Variants in ANK3 observed in about 807,000 individuals in gnomAD.
ANK3 encodes the protein ankyrin 3.
Under a neutral mutation model 370.9 loss-of-function variants are expected in ANK3, and 57 were observed. The observed-to-expected ratio is 0.15, with a 90% CI of 0.12 to 0.19. ANK3 has a LOEUF of 0.19. Ranked by LOEUF, ANK3 falls within the 10% of genes least tolerant of loss-of-function variation. The pLI is 1.00. For missense variants in ANK3, 4,439 were observed against 5,302.1 expected, an observed-to-expected ratio of 0.84 and a Z score of 5.06; for synonymous variants, 1,929 against 1,946.3, an observed-to-expected ratio of 0.99 and a Z score of 0.23.
intron 43 of ANK3, among the ~76,000 whole-genome samples, chr10:60,032,545 T>C (rs1383567101): frequency 6.6e-6 from 1 of 152,106 alleles, no homozygotes; most frequent in Non-Finnish European, 1.5e-5. Context: ...AGATGTGTGA[T>C]CATCACTACT....
Position 60,030,993 on chromosome 10 carries a change from A to C in ANK3, c.*20-1167T>G, listed in dbSNP as rs540428069. ...AGGTGGCTGAGAGAGGTAATCTCTG[A>C]GACTTCCCTAAATATCAAAATGTAA... On this transcript the variant is annotated intron_variant, in intron 43 of 43. Coordinates refer to ENST00000280772, the MANE Select transcript of ANK3 (RefSeq NM_020987.5). 2.5e-4 allele frequency among the ~76,000 whole-genome samples: 38 copies of C among 152,262 alleles called. No homozygotes were observed. The South Asian group carries it at 6.2e-3, about 25-fold the overall frequency.
At chr10:60,059,695 C>T in intron 40 of ANK3, 1 of 1,607,780 alleles carries the variant, frequency 6.2e-7, no homozygotes, top group Non-Finnish European at 8.5e-7. Flanking sequence ...TGAGGATACT[C>T]ACTCAGACAT....
intron 5 of ANK3, among the ~76,000 whole-genome samples, chr10:60,269,472 T>C (rs1184505531): frequency 6.6e-6 from 1 of 152,020 alleles, no homozygotes; most frequent in Non-Finnish European, 1.5e-5. Flanking sequence ...GGTGAAACCC[T>C]GTCTCTACTA....
intron 2 of ANK3, among the ~76,000 whole-genome samples, chr10:60,407,577 A>C (rs2063479946): frequency 6.6e-6 from 1 of 152,226 alleles, no homozygotes; most frequent in African/African-American, 2.4e-5. Flanking sequence ...TGTGCTAAGT[A>C]ATTCATTCAT....
intron 17 of ANK3, among the ~76,000 whole-genome samples, chr10:60,183,373 A>C (rs1368521323): frequency 6.6e-6 from 1 of 152,196 alleles, no homozygotes. Context: ...TCATAGATTA[A>C]ATCAGAGAAA....
chr10:60,719,245 T>C (rs1463377685), intron 1 of ANK3, among the ~76,000 whole-genome samples: 1 of 152,132 alleles, frequency 6.6e-6, no homozygotes, highest in African/African-American at 2.4e-5. Context: ...ACCAGTCCCA[T>C]AAAGGTAAAT....
In ANK3 at chr10:60,246,270, A is replaced by AGAAAG. The variant is rs1244871414; in HGVS notation, c.799-11485_799-11484insCTTTC. Reference sequence around the variant, plus strand: ...AACCCTGTATCAAAAAAAAAAAAAAAAAAAAAAAAAAGAAAAAAGAAAAAA... The same window carrying AGAAAG: ...AACCCTGTATCAAAAAAAAAAAAAAAGAAAGAAAAAAAAAAAGAAAAAAGAAAAAA... On this transcript the variant is annotated intron_variant, in intron 7 of 43. Transcript: ENST00000280772. Among the ~76,000 whole-genome samples the AGAAAG allele has an allele frequency of 5.6e-4, 83 of 149,038 alleles. 1 individual carries two copies. Among genetic ancestry groups the AGAAAG allele is most frequent in the African/African-American group, 2.0e-3 (82 of 41,096 alleles).
chr10:60,270,689 G>A (rs1334511860), intron 4 of ANK3, among the ~76,000 whole-genome samples: 1 of 152,116 alleles, frequency 6.6e-6, no homozygotes, highest in African/African-American at 2.4e-5. Context: ...AAAAGTATCT[G>A]AACTAGTTTT....
In ANK3 at chr10:60,469,184, C is replaced by T. The variant is rs905925097; in HGVS notation, c.96+146002G>A. 1.4e-3 allele frequency among the ~76,000 whole-genome samples: 25 copies of T among 17,718 alleles called. 4 individuals carry two copies. The highest frequency in any genetic ancestry group is 4.0e-3 in the African/African-American group (19 of 4,726). The allele number at this position is 17,718 out of a possible 152,430, so 11.6% of individuals were successfully genotyped here. ...ATGTGTGTGTGTATATATATATATA[C>T]ACCACTTTTAGTGTATATATATATA... is the stretch of plus-strand genomic sequence containing the variant. On this transcript the variant is annotated intron_variant, in intron 2 of 43. Coordinates refer to the ANK3 transcript ENST00000373827.
intron 1 of ANK3, among the ~76,000 whole-genome samples, chr10:60,372,488 T>C (rs1025799362): frequency 2.0e-5 from 3 of 152,160 alleles, no homozygotes; most frequent in African/African-American, 4.8e-5. Flanking sequence ...TCTTTATCTA[T>C]ATAAATAGCT....
rs1357805723 is a variant in ANK3, at chr10:60,686,027, A to C, written c.57+47236T>G. Reference sequence around the variant, plus strand: ...TCTCCAAAATTGATCTATAAACTCAATTCCAATTAAAATAAAAATCGAATT... The same window carrying C: ...TCTCCAAAATTGATCTATAAACTCACTTCCAATTAAAATAAAAATCGAATT... On this transcript the variant is annotated intron_variant, in intron 1 of 43. Coordinates refer to the ANK3 transcript ENST00000373827. Among the ~76,000 whole-genome samples, 6 of 152,304 alleles carry C rather than the reference A, an allele frequency of 3.9e-5. No individual in the cohort carries two copies. In the East Asian group the frequency reaches 1.2e-3, roughly 29 times the overall value.
chr10:60,270,023 A>T, intron 5 of ANK3, 108 bp downstream of exon 5: 2 of 579,488 alleles, frequency 3.5e-6, no homozygotes, highest in Non-Finnish European at 5.9e-6. Context: ...CCCACACATT[A>T]ATATAAAACT....
intron 1 of ANK3, among the ~76,000 whole-genome samples, chr10:60,332,048 C>G (rs1050908764): frequency 1.3e-5 from 2 of 151,870 alleles, no homozygotes; most frequent in African/African-American, 2.4e-5. Flanking sequence ...ATATGGCTAA[C>G]TCAATTTCTT....
intron 1 of ANK3, among the ~76,000 whole-genome samples, chr10:60,654,653 T>C (rs570947935): frequency 6.6e-6 from 1 of 152,336 alleles, no homozygotes; most frequent in South Asian, 2.1e-4. Context: ...TCATGACATG[T>C]TATCCTTTAA....
chr10:60,262,891 A>T (rs1422358699), intron 6 of ANK3, among the ~76,000 whole-genome samples: 1 of 152,194 alleles, frequency 6.6e-6, no homozygotes, highest in Non-Finnish European at 1.5e-5. Flanking sequence ...AGAGTCAAGG[A>T]TTCCTCATCT....
chr10:60,115,546 A>G (rs2093024266), intron 25 of ANK3, among the ~76,000 whole-genome samples: 1 of 152,238 alleles, frequency 6.6e-6, no homozygotes, highest in African/African-American at 2.4e-5. Flanking sequence ...TAAGTGCTTT[A>G]TAATAACTAT....
At chr10:60,650,941 C>A (rs74860158) in intron 1 of ANK3, among the ~76,000 whole-genome samples, 7 of 125,836 alleles carry the variant, frequency 5.6e-5, no homozygotes. Context: ...ACAACAACAA[C>A]AAAAAATAGC....
chr10:60,424,293 G>T (rs1330475569), intron 2 of ANK3, among the ~76,000 whole-genome samples: 2 of 151,944 alleles, frequency 1.3e-5, no homozygotes, highest in African/African-American at 2.4e-5. Context: ...TATACTGAGA[G>T]TCTATGAGAG....
intron 2 of ANK3, among the ~76,000 whole-genome samples, chr10:60,532,597 T>C (rs944087880): frequency 1.3e-5 from 2 of 151,918 alleles, no homozygotes; most frequent in African/African-American, 4.8e-5. Context: ...AAACACAGAT[T>C]GCGCTCTCCC....
Sources: gnomAD v4.1 joint callset for allele counts (sites outside exome capture counted in the v4.1 genomes callset) on GRCh38, gnomAD v4.1.1 for gene constraint, MANE v1.5 for transcripts, NCBI Gene and HGNC (gene_info 2026-07-23, HGNC 2026-07-21) for gene names.